The following DNAH7 variants were observed in gnomAD, a reference collection of about 807,000 sequenced individuals.
The protein encoded by DNAH7 is axonemal beta dynein heavy chain 7.
A neutral mutation model predicts 444.6 loss-of-function variants in DNAH7; 397 were observed. That is an observed-to-expected ratio of 0.89 (90% confidence interval 0.82 to 0.97). The LOEUF (loss-of-function observed/expected upper bound fraction) is 0.97. Among genes scored for constraint, DNAH7 ranks in the 50% least tolerant of loss-of-function variants. The pLI is 0.00. For missense variants in DNAH7, 4,902 were observed against 4,800.8 expected (o/e 1.02, Z -0.62); for synonymous variants, 1,636 against 1,624.4 (o/e 1.01, Z -0.17).
intron 48 of DNAH7, among the ~76,000 whole-genome samples, chr2:195,831,633 T>C (rs773252944): frequency 6.6e-6 from 1 of 152,352 alleles, no homozygotes; most frequent in South Asian, 2.1e-4. Context: ...ATGACTAATG[T>C]TAGAAAGCAT....
Position 195,864,399 on chromosome 2 carries a change from C to T in DNAH7, c.7256G>A (p.Gly2419Glu), listed in dbSNP as rs751477069. 1.4e-5 allele frequency: 22 copies of T among 1,614,020 alleles called. No individual in the cohort carries two copies. The highest frequency in any genetic ancestry group is 1.9e-5 in the Non-Finnish European group (22 of 1,180,042). The change falls in exon 41 of 65, where the codon GGG (glycine) becomes GAG (glutamate). Residue 2419 changes from glycine to glutamate, a missense_variant. Physicochemically the swap from Gly to Glu is moderately conservative, Grantham distance 98 (BLOSUM62 -2). Coordinates refer to ENST00000312428, the MANE Select transcript of DNAH7 (RefSeq NM_018897.3). ...LEDVSNLLNA[G>E]EIPNLFALDE... ...TAATGCAAAGAGATTTGGAATCTCC[C>T]CAGCATTTAGCAGATTACTGACATC...
Position 196,068,735 on chromosome 2 carries a change from A to G in DNAH7, c.-24T>C, listed in dbSNP as rs1408978218. On this transcript the variant is annotated 5_prime_UTR_variant, in exon 1 of 65. Transcript: ENST00000312428. ...ATGGCTGCGAGGACGCGCTGGCCTCACCGGTGCTTCTGGGTTGCTCCTGCC... is the reference window on the plus strand; with the variant it reads ...ATGGCTGCGAGGACGCGCTGGCCTCGCCGGTGCTTCTGGGTTGCTCCTGCC... 1 of 1,550,778 alleles carries G rather than the reference A, an allele frequency of 6.4e-7. No individual in the cohort carries two copies. The highest frequency in any genetic ancestry group is 2.0e-5 in the Admixed American group (1 of 51,080).
chr2:195,980,947 T>C (rs1176921085), intron 15 of DNAH7, among the ~76,000 whole-genome samples: 1 of 152,104 alleles, frequency 6.6e-6, no homozygotes. Flanking sequence ...ACAACAAGGA[T>C]GCCAATTTTC....
rs1438221395 is a variant in DNAH7 at position 195,740,613 on chromosome 2, GTGTATATATATATA to G, written c.11868+139_11868+152del. ...TGTGTGTGTGTGTGTGTGTGTGTGT[GTGTATATATATATA>G]TATATATATATATATATACATATAC... is the stretch of plus-strand genomic sequence containing the variant. On this transcript the variant is annotated intron_variant, in intron 64 of 64. Transcript: ENST00000312428. Among the ~76,000 whole-genome samples, 547 of 70,104 alleles carry G rather than the reference GTGTATATATATATA, an allele frequency of 7.8e-3. 1 individual carries two copies. Among genetic ancestry groups the G allele is most frequent in the African/African-American group, 0.023 (386 of 16,880 alleles). The allele number at this position is 70,104 out of a possible 152,430, so 46.0% of individuals were successfully genotyped here.
chr2:195,918,105 C>T (rs566678241), intron 24 of DNAH7, among the ~76,000 whole-genome samples: 3 of 152,202 alleles, frequency 2.0e-5, no homozygotes, highest in South Asian at 2.1e-4. Flanking sequence ...AAATAAACAA[C>T]CCAATTACAA....
At chr2:195,950,717 T>C (rs1242615356) in intron 19 of DNAH7, among the ~76,000 whole-genome samples, 1 of 151,594 alleles carries the variant, frequency 6.6e-6, no homozygotes, top group Non-Finnish European at 1.5e-5. Flanking sequence ...CCAGGCGTGG[T>C]GGCGGGTGCC....
chr2:195,824,751 G>A (rs1574499050), intron 48 of DNAH7, among the ~76,000 whole-genome samples: 1 of 152,302 alleles, frequency 6.6e-6, no homozygotes, highest in Middle Eastern at 3.4e-3. Flanking sequence ...TTATGGCAGT[G>A]AAGTTTATCC....
At chr2:195,802,764 G>A (rs1474470060) in intron 54 of DNAH7, among the ~76,000 whole-genome samples, 1 of 152,112 alleles carries the variant, frequency 6.6e-6, no homozygotes, top group Admixed American at 6.5e-5. Flanking sequence ...TGCATAGATT[G>A]TGTTGTGGTA....
chr2:195,857,567 G>C lies in DNAH7; in HGVS notation c.8224C>G (p.Leu2742Val). 1 of 1,613,980 alleles carries C rather than the reference G, an allele frequency of 6.2e-7. No homozygotes were observed. The highest frequency in any genetic ancestry group is 8.5e-7 in the Non-Finnish European group (1 of 1,179,942). The change falls in exon 44 of 65, where the codon CTT becomes GTT. Residue 2742 changes from leucine (L) to valine (V), a missense_variant. Transcript: ENST00000312428. ...IEDFWGPAKRLLGDMRFLQSL... is the reference protein window; with the variant it reads ...IEDFWGPAKRVLGDMRFLQSL... ...TGCAGAAACCTCATGTCACCAAGAA[G>C]TCTCTTAGCTGGGCCCCAGAAATCC...
chr2:195,818,209 C>T (rs1450408888), intron 49 of DNAH7, among the ~76,000 whole-genome samples: 2 of 152,168 alleles, frequency 1.3e-5, no homozygotes, highest in African/African-American at 4.8e-5. Context: ...GCTCTAGAAT[C>T]ATAATAGTTG....
chr2:195,739,678 AT>A (rs1204140981), intron 64 of DNAH7, among the ~76,000 whole-genome samples: 1 of 152,202 alleles, frequency 6.6e-6, no homozygotes, highest in Non-Finnish European at 1.5e-5. Context: ...GGACCTCACT[AT>A]TTGTGGATTC....
At chr2:195,955,660 C>T (rs1017156601) in intron 19 of DNAH7, among the ~76,000 whole-genome samples, 1 of 152,106 alleles carries the variant, frequency 6.6e-6, no homozygotes, top group Non-Finnish European at 1.5e-5. Flanking sequence ...CACAGCTGCC[C>T]TTTCAAGGAA....
intron 19 of DNAH7, among the ~76,000 whole-genome samples, chr2:195,938,791 C>T (rs940509244): frequency 1.2e-4 from 18 of 152,214 alleles, no homozygotes; most frequent in East Asian, 1.2e-3. Flanking sequence ...ACCAAATATG[C>T]TACTTTTAAA....
intron 10 of DNAH7, among the ~76,000 whole-genome samples, chr2:196,004,525 A>G (rs1559325762): frequency 6.6e-6 from 1 of 152,244 alleles, no homozygotes; most frequent in African/African-American, 2.4e-5. Flanking sequence ...CCTATGACTC[A>G]AATAAGAAAT....
chr2:195,829,408 T>C (rs1360990872), intron 48 of DNAH7, among the ~76,000 whole-genome samples: 1 of 152,112 alleles, frequency 6.6e-6, no homozygotes, highest in Non-Finnish European at 1.5e-5. Context: ...GCACCTTCAT[T>C]GTTTCTTGTT....
chr2:195,981,041 A>G (rs1692538686), intron 15 of DNAH7, among the ~76,000 whole-genome samples: 1 of 152,206 alleles, frequency 6.6e-6, no homozygotes, highest in South Asian at 2.1e-4. Flanking sequence ...CAAATCAGAA[A>G]GAAAAGTTAA....
intron 41 of DNAH7, among the ~76,000 whole-genome samples, chr2:195,863,498 T>A (rs1700140765): frequency 6.6e-6 from 1 of 152,194 alleles, no homozygotes; most frequent in South Asian, 2.1e-4. Context: ...GCTGCCTTTT[T>A]CTGCTCTGCT....
intron 35 of DNAH7, among the ~76,000 whole-genome samples, chr2:195,882,430 G>A (rs1701439570): frequency 6.6e-6 from 1 of 152,028 alleles, no homozygotes; most frequent in African/African-American, 2.4e-5. Context: ...TATAACATTA[G>A]CTTATCATTG....
chr2:195,811,157 G>T (rs1030213155), intron 51 of DNAH7, among the ~76,000 whole-genome samples: 2 of 152,134 alleles, frequency 1.3e-5, no homozygotes, highest in African/African-American at 4.8e-5. Context: ...AGTGATATAG[G>T]ATCATTCATA....
Sources: gnomAD v4.1 joint callset for allele counts (sites outside exome capture counted in the v4.1 genomes callset) on GRCh38, gnomAD v4.1.1 for gene constraint, MANE v1.5 for transcripts, NCBI Gene and HGNC (gene_info 2026-07-23, HGNC 2026-07-21) for gene names.